Variants in FARP1 observed in about 807,000 individuals in gnomAD.
FARP1 encodes the protein FERM, ARH/RhoGEF and pleckstrin domain protein 1, also known as FERM, ARHGEF and pleckstrin domain-containing protein 1.
In FARP1, 52 loss-of-function variants were observed where a neutral mutation model predicts 128.8. That is an observed-to-expected ratio of 0.40 (90% confidence interval 0.32 to 0.51). The LOEUF (loss-of-function observed/expected upper bound fraction) is 0.51, where lower values mean the gene tolerates loss of function less well. Among genes scored for constraint, FARP1 ranks in the 20% least tolerant of loss-of-function variants. The pLI, the probability that FARP1 is intolerant of heterozygous loss-of-function variation, is 0.45. For synonymous variants in FARP1, 580 were observed against 551.8 expected (o/e 1.05, Z -0.72); for missense variants, 1,333 against 1,367.9 (o/e 0.97, Z 0.40).
chr13:98,413,660 CAAAATT>C (rs750810280), intron 16 of FARP1, among the ~76,000 whole-genome samples: 18 of 152,144 alleles, frequency 1.2e-4, no homozygotes, highest in Non-Finnish European at 1.8e-4. Context: ...ACCCTGTCTC[CAAAATT>C]AAAATTAAAA....
intron 24 of FARP1, among the ~76,000 whole-genome samples, chr13:98,444,657 G>C (rs1892708644): frequency 6.6e-6 from 1 of 152,220 alleles, no homozygotes; most frequent in Admixed American, 6.5e-5. Flanking sequence ...TGATAAAGAG[G>C]TTTCCAGAGG....
intron 24 of FARP1, among the ~76,000 whole-genome samples, chr13:98,441,528 G>A (rs1244638283): frequency 6.6e-6 from 1 of 152,226 alleles, no homozygotes; most frequent in Non-Finnish European, 1.5e-5. Context: ...GGGCCCCTCC[G>A]GGTTTTCTGG....
At chr13:98,390,615 A>G (rs1015466907) in intron 10 of FARP1, 197 bp from the exon 11 acceptor site, 2 of 541,470 alleles carry the variant, frequency 3.7e-6, no homozygotes, top group African/African-American at 3.8e-5. Flanking sequence ...CTGTATATTC[A>G]AGGAAAATAT....
At chr13:98,338,261 C>T (rs767752113) in intron 2 of FARP1, among the ~76,000 whole-genome samples, 1 of 152,196 alleles carries the variant, frequency 6.6e-6, no homozygotes. Flanking sequence ...ATCTCTAGAA[C>T]TCTTCTTACC....
intron 13 of FARP1, chr13:98,407,583 G>A (rs1177599244): frequency 6.6e-5 from 10 of 152,048 alleles, no homozygotes; most frequent in African/African-American, 2.4e-4. Flanking sequence ...ATGTTAGTGA[G>A]GTATATTAAA....
chr13:98,226,696 T>C (rs1174464427), intron 2 of FARP1, among the ~76,000 whole-genome samples: 1 of 152,222 alleles, frequency 6.6e-6, no homozygotes, highest in Non-Finnish European at 1.5e-5. Context: ...ACCAGAACTC[T>C]TAAATCACAT....
chr13:98,344,238 G>A (rs2139878798), intron 3 of FARP1, among the ~76,000 whole-genome samples: 1 of 152,340 alleles, frequency 6.6e-6, no homozygotes, highest in African/African-American at 2.4e-5. Flanking sequence ...AAGCCATCAG[G>A]ATCTAGCGAT....
At chr13:98,223,833 C>A (rs1354203104) in intron 2 of FARP1, among the ~76,000 whole-genome samples, 1 of 152,204 alleles carries the variant, frequency 6.6e-6, no homozygotes, top group Admixed American at 6.5e-5. Context: ...TTAAGCTTGC[C>A]ACACCTGGGT....
chr13:98,292,735 C>A (rs528286500), intron 2 of FARP1, among the ~76,000 whole-genome samples: 15 of 152,058 alleles, frequency 9.9e-5, no homozygotes, highest in Admixed American at 9.8e-4. Flanking sequence ...TGTTGTCCAG[C>A]CCAAAGCCTG....
At chr13:98,192,805 C>T (rs1879322875) in intron 1 of FARP1, among the ~76,000 whole-genome samples, 1 of 152,112 alleles carries the variant, frequency 6.6e-6, no homozygotes, top group Non-Finnish European at 1.5e-5. Context: ...GTGAGGAAGC[C>T]AGAGAAATTT....
chr13:98,163,152 C>T (rs1432582844), intron 1 of FARP1, among the ~76,000 whole-genome samples: 3 of 152,106 alleles, frequency 2.0e-5, no homozygotes, highest in Non-Finnish European at 2.9e-5. Flanking sequence ...TAAAAAAGAA[C>T]AAAATCATCT....
At chr13:98,195,379 G>A (rs1879505951) in intron 1 of FARP1, among the ~76,000 whole-genome samples, 1 of 150,526 alleles carries the variant, frequency 6.6e-6, no homozygotes, top group African/African-American at 2.5e-5. Context: ...CCCCCGGGCT[G>A]TTTGTTTGTT....
At chr13:98,207,161 T>G (rs1880322285) in intron 1 of FARP1, among the ~76,000 whole-genome samples, 1 of 152,146 alleles carries the variant, frequency 6.6e-6, no homozygotes, top group African/African-American at 2.4e-5. Flanking sequence ...TTAAACAGAC[T>G]TTTCCATGTA....
chr13:98,194,205 C>T (rs1327127411), intron 1 of FARP1, among the ~76,000 whole-genome samples: 3 of 152,164 alleles, frequency 2.0e-5, no homozygotes, highest in Non-Finnish European at 2.9e-5. Flanking sequence ...CAACCTCCGC[C>T]TCCTGGGTTC....
At chr13:98,217,080 C>T (rs547127264) in intron 2 of FARP1, among the ~76,000 whole-genome samples, 14 of 152,228 alleles carry the variant, frequency 9.2e-5, no homozygotes, top group African/African-American at 3.1e-4. Context: ...GTCCCCTCCT[C>T]GTGACCCGGC....
rs74110929 is a variant in FARP1 at position 98,334,938 on chromosome 13, G to A, written c.172-8824G>A. ...ATTTCTATTGTTTAAGCCACCCAGT[G>A]CGTAGTGTTTGGTTATGTCCACCTG... On this transcript the variant is annotated intron_variant, in intron 2 of 26. Coordinates refer to ENST00000319562, the MANE Select transcript of FARP1 (RefSeq NM_005766.4). 2.9e-3 allele frequency among the ~76,000 whole-genome samples: 437 copies of A among 152,292 alleles called. 4 individuals are homozygous for A. Among genetic ancestry groups the A allele is most frequent in the Middle Eastern group, 0.01 (3 of 294 alleles).
chr13:98,224,443 C>T (rs1490327825), intron 2 of FARP1, among the ~76,000 whole-genome samples: 1 of 141,038 alleles, frequency 7.1e-6, no homozygotes, highest in Non-Finnish European at 1.5e-5. Context: ...AGGAGAATGG[C>T]GTGAACCCCA....
At chr13:98,151,685 G>T (rs1323782338) in intron 1 of FARP1, among the ~76,000 whole-genome samples, 2 of 8,938 alleles carry the variant, frequency 2.2e-4, no homozygotes, top group Non-Finnish European at 5.6e-3. Flanking sequence ...TTTTTGAGAC[G>T]GAGTCTTGCT....
At chr13:98,346,214 G>T (rs1173849758) in intron 3 of FARP1, among the ~76,000 whole-genome samples, 14 of 119,280 alleles carry the variant, frequency 1.2e-4, no homozygotes, top group Admixed American at 1.1e-3. Flanking sequence ...TTTTGAGAAG[G>T]TGTCTTTCTC....
Sources: gnomAD v4.1 joint callset for allele counts (sites outside exome capture counted in the v4.1 genomes callset) on GRCh38, gnomAD v4.1.1 for gene constraint, MANE v1.5 for transcripts, NCBI Gene and HGNC (gene_info 2026-07-23, HGNC 2026-07-21) for gene names.